ST6GAL1: variants seen among roughly 807,000 people sequenced by gnomAD.
ST6GAL1 encodes the protein beta-galactoside alpha-2,6-sialyltransferase 1.
A neutral mutation model predicts 38.0 loss-of-function variants in ST6GAL1; 20 were observed. That is an observed-to-expected ratio of 0.53 (90% CI 0.37 to 0.77). The LOEUF (loss-of-function observed/expected upper bound fraction) is 0.77, where lower values mean the gene tolerates loss of function less well. Among genes scored for constraint, ST6GAL1 ranks in the 30% least tolerant of loss-of-function variants. The pLI is 0.00. For missense variants in ST6GAL1, 432 were observed against 496.4 expected (o/e 0.87, Z 1.23); for synonymous variants, 196 against 188.2 (o/e 1.04, Z -0.34).
intron 3 of ST6GAL1, among the ~76,000 whole-genome samples, chr3:187,041,663 A>G (rs2108579381): frequency 6.6e-6 from 1 of 152,344 alleles, no homozygotes; most frequent in South Asian, 2.1e-4. Flanking sequence ...TTTGAACCTC[A>G]GTGCAACCAT....
intron 2 of ST6GAL1, among the ~76,000 whole-genome samples, chr3:186,984,821 T>A (rs201626827): frequency 2.7e-5 from 1 of 37,538 alleles, no homozygotes; most frequent in South Asian, 1.4e-3. Flanking sequence ...CCTTCCTTCC[T>A]TCCTTCCCTC....
chr3:186,944,590 A>G (rs540220407), intron 1 of ST6GAL1, among the ~76,000 whole-genome samples: 52 of 152,400 alleles, frequency 3.4e-4, no homozygotes, highest in African/African-American at 1.1e-3. Flanking sequence ...TACAGAGCCA[A>G]GGAAGACATT....
intron 1 of ST6GAL1, among the ~76,000 whole-genome samples, chr3:186,938,829 C>T (rs1476591051): frequency 2.0e-5 from 3 of 152,168 alleles, no homozygotes; most frequent in East Asian, 1.9e-4. Flanking sequence ...CCCCAGATTA[C>T]GTGCAAGTAC....
intron 2 of ST6GAL1, among the ~76,000 whole-genome samples, chr3:186,990,621 C>T (rs1311750099): frequency 6.6e-6 from 1 of 150,870 alleles, no homozygotes; most frequent in African/African-American, 2.4e-5. Context: ...ATCCCTCCCT[C>T]TTAGACCAAT....
chr3:186,940,077 A>G (rs901407159), intron 1 of ST6GAL1, among the ~76,000 whole-genome samples: 1 of 152,168 alleles, frequency 6.6e-6, no homozygotes, highest in East Asian at 1.9e-4. Context: ...ATCCACTGGG[A>G]CACCCATTAT....
intron 2 of ST6GAL1, among the ~76,000 whole-genome samples, chr3:187,020,599 G>T (rs1717263614): frequency 1.3e-5 from 2 of 152,222 alleles, no homozygotes; most frequent in Non-Finnish European, 2.9e-5. Flanking sequence ...TTATCTGGCT[G>T]CCCCTGTGTA....
chr3:187,074,417 GT>G, intron 7 of ST6GAL1, 84 bp downstream of exon 7: 1 of 1,400,006 alleles, frequency 7.1e-7, no homozygotes, highest in Non-Finnish European at 9.5e-7. Context: ...TCAGTCATTC[GT>G]TTGTTCATTT....
In ST6GAL1 at chr3:187,076,603, A is replaced by G. The variant is rs1453436231; in HGVS notation, c.*800A>G. On this transcript the variant is annotated 3_prime_UTR_variant, in exon 8 of 8. Coordinates refer to ENST00000169298, the MANE Select transcript of ST6GAL1 (RefSeq NM_173216.2). ...CTCTGTGCACCCAGGAGGGCCACGC[A>G]CTTAAAACTGTGTTTGTGGATCAGA... The G allele has an allele frequency of 2.9e-5, 11 of 381,622 alleles. No homozygotes were observed. The highest frequency in any genetic ancestry group is 1.9e-4 in the African/African-American group (9 of 48,210). 23.6% of individuals were successfully genotyped at this position (381,622 alleles called of 1,614,324 possible). A position where few individuals can be genotyped will look rare whatever the true frequency, so the allele number is the denominator to read the frequency against.
intron 4 of ST6GAL1, among the ~76,000 whole-genome samples, chr3:187,048,456 A>G (rs1718384216): frequency 6.6e-6 from 1 of 152,140 alleles, no homozygotes; most frequent in Non-Finnish European, 1.5e-5. Context: ...AAGGCTGGCC[A>G]TCCTTTGGGT....
intron 2 of ST6GAL1, among the ~76,000 whole-genome samples, chr3:187,022,753 A>C (rs1717375466): frequency 6.6e-6 from 1 of 152,304 alleles, no homozygotes; most frequent in East Asian, 1.9e-4. Flanking sequence ...AAAGAAATGT[A>C]TTTTGGGGCA....
intron 2 of ST6GAL1, among the ~76,000 whole-genome samples, chr3:186,997,255 G>T (rs1445435847): frequency 6.6e-6 from 1 of 152,134 alleles, no homozygotes; most frequent in East Asian, 1.9e-4. Flanking sequence ...GTTATCTCAT[G>T]CAATGACCAG....
chr3:187,045,569 A>C (rs1424122514), intron 4 of ST6GAL1, among the ~76,000 whole-genome samples: 9 of 152,126 alleles, frequency 5.9e-5, no homozygotes, highest in Non-Finnish European at 1.3e-4. Flanking sequence ...AAGTCCTGTG[A>C]GGTTGATAAG....
At chr3:187,022,494 T>C (rs544345369) in intron 2 of ST6GAL1, among the ~76,000 whole-genome samples, 1 of 152,160 alleles carries the variant, frequency 6.6e-6, no homozygotes, top group South Asian at 2.1e-4. Flanking sequence ...AATGCCTGAG[T>C]AAGATAAGGA....
chr3:187,046,672 A>T (rs1718308082), intron 4 of ST6GAL1, among the ~76,000 whole-genome samples: 1 of 152,234 alleles, frequency 6.6e-6, no homozygotes, highest in Non-Finnish European at 1.5e-5. Context: ...GAGGTGGGAC[A>T]TATTCTTGGG....
At chr3:186,982,941 C>T (rs543603407) in intron 2 of ST6GAL1, among the ~76,000 whole-genome samples, 3 of 151,994 alleles carry the variant, frequency 2.0e-5, no homozygotes, top group East Asian at 2.0e-4. Flanking sequence ...CTCGTCCTCC[C>T]GAAGTGCTGG....
At chr3:186,934,318 C>T (rs768361052) in intron 1 of ST6GAL1, among the ~76,000 whole-genome samples, 2 of 152,030 alleles carry the variant, frequency 1.3e-5, no homozygotes, top group East Asian at 3.9e-4. Flanking sequence ...GGGAAGAGTT[C>T]GAATTCCTTG....
chr3:187,030,606 G>A (rs1717712245), intron 2 of ST6GAL1, among the ~76,000 whole-genome samples: 1 of 151,896 alleles, frequency 6.6e-6, no homozygotes, highest in Admixed American at 6.6e-5. Flanking sequence ...GCTAATTTTT[G>A]TATTTTTAGG....
intron 2 of ST6GAL1, among the ~76,000 whole-genome samples, chr3:187,000,945 G>A (rs753599891): frequency 9.2e-5 from 14 of 152,282 alleles, no homozygotes; most frequent in African/African-American, 3.1e-4. Flanking sequence ...GCATTTGTGC[G>A]TACTTCCCCA....
chr3:186,956,333 CTATT>C (rs1467619412), intron 1 of ST6GAL1, among the ~76,000 whole-genome samples: 1 of 152,114 alleles, frequency 6.6e-6, no homozygotes, highest in Non-Finnish European at 1.5e-5. Flanking sequence ...TGATGTGAGG[CTATT>C]TATAAATCTA....
Sources: allele counts gnomAD v4.1 joint callset (sites outside exome capture counted in the v4.1 genomes callset), GRCh38; gene constraint gnomAD v4.1.1; transcripts MANE v1.5; gene names NCBI Gene and HGNC (gene_info 2026-07-23, HGNC 2026-07-21).